SHISA9: variants seen among roughly 807,000 people sequenced by gnomAD.
SHISA9 encodes the protein protein shisa-9.
In SHISA9, 13 loss-of-function variants were observed where a neutral mutation model predicts 38.0. The observed-to-expected ratio is 0.34, with a 90% CI of 0.22 to 0.54. The LOEUF (loss-of-function observed/expected upper bound fraction) is 0.54. SHISA9 is among the 20% of genes least tolerant of loss of function. The pLI is 0.91. For synonymous variants in SHISA9, 275 were observed against 242.0 expected (o/e 1.14, Z -1.27); for missense variants, 538 against 575.8 (o/e 0.93, Z 0.67).
At chr16:13,499,561 TATC>T in the SHISA9 span, among the ~76,000 whole-genome samples, 1 of 152,324 alleles carries the variant, frequency 6.6e-6, no homozygotes, top group East Asian at 1.9e-4. Flanking sequence ...GGGTGATTCT[TATC>T]TTCTTCTTAA....
At chr16:13,394,928 G>GGT in the SHISA9 span, among the ~76,000 whole-genome samples, 43,618 of 139,194 alleles carry the variant, frequency 0.31, 6,753 homozygotes, top group Non-Finnish European at 0.37. Flanking sequence ...CAGTATCTGG[G>GGT]GTGTGTGTGT....
chr16:13,096,859 T>C (rs1339221692), intron 2 of SHISA9, among the ~76,000 whole-genome samples: 1 of 152,168 alleles, frequency 6.6e-6, no homozygotes, highest in Non-Finnish European at 1.5e-5. Flanking sequence ...GACTTACTCA[T>C]GGATGGCTCC....
chr16:13,404,238 T>C, the SHISA9 span, among the ~76,000 whole-genome samples: 1 of 152,164 alleles, frequency 6.6e-6, no homozygotes, highest in Admixed American at 6.5e-5. Flanking sequence ...AGGAATAAAA[T>C]AGACAGCTTC....
chr16:13,405,036 T>C, the SHISA9 span, among the ~76,000 whole-genome samples: 6 of 152,154 alleles, frequency 3.9e-5, no homozygotes, highest in South Asian at 6.2e-4. Flanking sequence ...GCTTCCACGG[T>C]GGATGGTGGT....
chr16:13,320,292 C>CAAAAAAAAAAAAAAAA, the SHISA9 span, among the ~76,000 whole-genome samples: 2 of 38,978 alleles, frequency 5.1e-5, 1 homozygote, highest in Non-Finnish European at 1.2e-4. Flanking sequence ...GACTCTGTCT[C>CAAAAAAAAAAAAAAAA]AAAAAAAAAA....
intron 2 of SHISA9, among the ~76,000 whole-genome samples, chr16:13,012,305 G>T (rs1024318381): frequency 1.3e-5 from 2 of 152,166 alleles, no homozygotes; most frequent in Non-Finnish European, 2.9e-5. Context: ...TGTTCAAGTG[G>T]CCCTCTCTGC....
At chr16:12,959,792 C>T (rs1005455817) in intron 2 of SHISA9, among the ~76,000 whole-genome samples, 6 of 152,330 alleles carry the variant, frequency 3.9e-5, no homozygotes, top group African/African-American at 9.6e-5. Context: ...ATTCCTGGGG[C>T]TCTTTGCACA....
At chr16:13,112,978 G>A (rs1030889483) in intron 2 of SHISA9, among the ~76,000 whole-genome samples, 4 of 152,106 alleles carry the variant, frequency 2.6e-5, no homozygotes, top group African/African-American at 9.7e-5. Context: ...GGGAGGCCAA[G>A]GCAGGCAGAT....
chr16:13,562,482 T>C, the SHISA9 span, among the ~76,000 whole-genome samples: 1 of 151,494 alleles, frequency 6.6e-6, no homozygotes, highest in Non-Finnish European at 1.5e-5. Context: ...ATACAAAAAT[T>C]AGATGGGCGT....
intron 4 of SHISA9, among the ~76,000 whole-genome samples, chr16:13,230,096 G>A (rs545459007): frequency 3.9e-5 from 6 of 152,290 alleles, no homozygotes; most frequent in South Asian, 4.1e-4. Context: ...CAACAAACAC[G>A]GTTGGTGGAA....
chr16:13,150,631 A>T (rs2050491129), intron 2 of SHISA9, among the ~76,000 whole-genome samples: 1 of 152,166 alleles, frequency 6.6e-6, no homozygotes. Context: ...CCCTACCCCA[A>T]GCCTATTGAA....
the SHISA9 span, among the ~76,000 whole-genome samples, chr16:13,526,765 T>C: frequency 6.6e-6 from 1 of 152,130 alleles, no homozygotes; most frequent in East Asian, 1.9e-4. Flanking sequence ...AATTAATGCA[T>C]GGGCCCTACC....
chr16:13,104,051 G>A (rs2073903820), intron 2 of SHISA9, among the ~76,000 whole-genome samples: 1 of 152,130 alleles, frequency 6.6e-6, no homozygotes, highest in African/African-American at 2.4e-5. Flanking sequence ...GCATGCATGT[G>A]TCTGGTTCTT....
chr16:13,401,023 G>A, the SHISA9 span, among the ~76,000 whole-genome samples: 1 of 152,158 alleles, frequency 6.6e-6, no homozygotes, highest in African/African-American at 2.4e-5. Flanking sequence ...GGCCCTTAGG[G>A]AGTGTGCTGG....
chr16:13,459,947 G>A, the SHISA9 span, among the ~76,000 whole-genome samples: 11 of 152,020 alleles, frequency 7.2e-5, no homozygotes, highest in African/African-American at 1.5e-4. Flanking sequence ...TCACACTGTC[G>A]CCTAGGCTAG....
chr16:13,318,961 C>A, the SHISA9 span, among the ~76,000 whole-genome samples: 22 of 152,334 alleles, frequency 1.4e-4, no homozygotes, highest in Admixed American at 1.4e-3. Flanking sequence ...CTTTTGCTCC[C>A]ATTTGGACTC....
chr16:12,948,401 C>T (rs538214853), intron 2 of SHISA9, among the ~76,000 whole-genome samples: 1 of 152,172 alleles, frequency 6.6e-6, no homozygotes, highest in Non-Finnish European at 1.5e-5. Context: ...GAAAAACCAA[C>T]AACCATTAAT....
chr16:13,029,211 C>T (rs1176264089), intron 2 of SHISA9, among the ~76,000 whole-genome samples: 1 of 152,146 alleles, frequency 6.6e-6, no homozygotes, highest in Non-Finnish European at 1.5e-5. Flanking sequence ...GCACTGTTCA[C>T]AATAGCCAGA....
chr16:13,073,225 T>C (rs1216070343), intron 2 of SHISA9, among the ~76,000 whole-genome samples: 7 of 150,144 alleles, frequency 4.7e-5, no homozygotes, highest in Admixed American at 6.6e-5. Flanking sequence ...TCTCTCTCTT[T>C]TTTTTTTTTT....
Sources: gnomAD v4.1 joint callset for allele counts (sites outside exome capture counted in the v4.1 genomes callset) on GRCh38, gnomAD v4.1.1 for gene constraint, MANE v1.5 for transcripts, NCBI Gene and HGNC (gene_info 2026-07-23, HGNC 2026-07-21) for gene names.